The following CRTC3 variants were observed in gnomAD, a reference collection of about 807,000 sequenced individuals.
CRTC3 encodes the protein CREB-regulated transcription coactivator 3.
In CRTC3, 26 loss-of-function variants were observed where a neutral mutation model predicts 74.5. The observed-to-expected ratio is 0.35, with a 90% CI of 0.26 to 0.48. The LOEUF is 0.48. Ranked by LOEUF, CRTC3 falls within the 20% of genes least tolerant of loss-of-function variation. The pLI, the probability that CRTC3 is intolerant of heterozygous loss-of-function variation, is 0.99. For synonymous variants in CRTC3, 377 were observed against 325.8 expected (o/e 1.16, Z -1.69); for missense variants, 760 against 787.3 (o/e 0.97, Z 0.41).
chr15:90,638,496 A>G lies in CRTC3; in HGVS notation c.1317A>G (p.Gln439=), dbSNP rs1313720577. The change falls in exon 12 of 15, where the codon CAA becomes CAG. Residue 439 remains glutamine, a synonymous_variant. Transcript: ENST00000268184. ...SQLSFLPTEA[Q]AQVSPPPPYP... The stretch of plus-strand genomic sequence containing the variant: ...TTTCCTTTCTGCCCACAGAAGCTCA[A>G]GCCCAGGTGTCGCCGCCACCCCCTT... 1.9e-6 allele frequency: 3 copies of G among 1,614,036 alleles called. No individual in the cohort carries two copies. The highest frequency in any genetic ancestry group is 1.7e-5 in the Admixed American group (1 of 60,020).
intron 1 of CRTC3, among the ~76,000 whole-genome samples, chr15:90,532,106 T>G (rs1966637276): frequency 6.6e-6 from 1 of 152,204 alleles, no homozygotes; most frequent in Non-Finnish European, 1.5e-5. Context: ...ATTTTGCCCT[T>G]CACCTGGTAC....
chr15:90,543,773 T>C lies in CRTC3; in HGVS notation c.231+3636T>C, dbSNP rs75268135. On this transcript the variant is annotated intron_variant, in intron 2 of 14. Transcript: ENST00000268184. The stretch of plus-strand genomic sequence containing the variant: ...ATATAATTTATACCTTTTTTAGGTA[T>C]ACAGCTCTTTGCCATATAATCACCA... 3.7e-4 allele frequency among the ~76,000 whole-genome samples: 56 copies of C among 152,320 alleles called. No individual in the cohort carries two copies. The East Asian group carries it at 8.7e-3, about 24-fold the overall frequency.
rs538338588 is a variant in CRTC3, at chr15:90,634,012, C to T, written c.1267-4434C>T. Among the ~76,000 whole-genome samples, 7 of 149,462 alleles carry T rather than the reference C, an allele frequency of 4.7e-5. No homozygotes were observed. In the South Asian group the frequency reaches 6.3e-4, roughly 13 times the overall value. Reference sequence around the variant, plus strand: ...CAGGTTTTTAGTGGTCTTTTTTTTTCGAATTTATCTTTATTTTCTATAATA... The same window carrying T: ...CAGGTTTTTAGTGGTCTTTTTTTTTTGAATTTATCTTTATTTTCTATAATA... On this transcript the variant is annotated intron_variant, in intron 11 of 14. Transcript: ENST00000268184.
intron 2 of CRTC3, among the ~76,000 whole-genome samples, chr15:90,569,506 A>G (rs1596089773): frequency 4.1e-5 from 1 of 24,166 alleles, no homozygotes; most frequent in African/African-American, 7.8e-5. Flanking sequence ...TTTAGTAGAG[A>G]TGGGGTTTCA....
At chr15:90,581,860 G>C (rs1376658296) in intron 2 of CRTC3, among the ~76,000 whole-genome samples, 1 of 152,204 alleles carries the variant, frequency 6.6e-6, no homozygotes, top group Non-Finnish European at 1.5e-5. Context: ...TGAAAGGAGG[G>C]AGTCGGCAGG....
At chr15:90,627,946 G>A (rs1202009727) in intron 10 of CRTC3, among the ~76,000 whole-genome samples, 17 of 147,902 alleles carry the variant, frequency 1.1e-4, no homozygotes, top group South Asian at 4.4e-4. Context: ...GGCTGGGTGC[G>A]GTGGCTCACT....
chr15:90,570,594 G>A (rs1000281343), intron 2 of CRTC3, among the ~76,000 whole-genome samples: 1 of 151,966 alleles, frequency 6.6e-6, no homozygotes, highest in South Asian at 2.1e-4. Flanking sequence ...TAACCCAGCC[G>A]GCTGTAAACA....
chr15:90,593,867 T>C (rs1477250275), intron 3 of CRTC3, 112 bp downstream of exon 3: 4 of 1,110,634 alleles, frequency 3.6e-6, no homozygotes, highest in Non-Finnish European at 5.0e-6. Context: ...ATTTATCTGA[T>C]GAAAGGAGGC....
intron 2 of CRTC3, among the ~76,000 whole-genome samples, chr15:90,545,873 T>C (rs73488123): frequency 0.011 from 1,706 of 152,282 alleles, 33 homozygotes; most frequent in African/African-American, 0.033. Context: ...CCACTGCGCC[T>C]GGCCTTGTCT....
intron 2 of CRTC3, among the ~76,000 whole-genome samples, chr15:90,582,348 A>G (rs1021149590): frequency 6.6e-6 from 1 of 152,212 alleles, no homozygotes; most frequent in African/African-American, 2.4e-5. Context: ...GTGGAAAGAC[A>G]GTAAAGTGCC....
At chr15:90,533,498 G>A (rs1966668435) in intron 1 of CRTC3, among the ~76,000 whole-genome samples, 1 of 151,812 alleles carries the variant, frequency 6.6e-6, no homozygotes, top group Non-Finnish European at 1.5e-5. Context: ...ATTTATTAAT[G>A]TATTCATTTG....
At position 90,643,560 on chromosome 15, in the gene CRTC3, T is replaced by G. The variant is rs760700658; in HGVS notation, c.*1420T>G. On this transcript the variant is annotated 3_prime_UTR_variant, in exon 15 of 15. Coordinates refer to ENST00000268184, the MANE Select transcript of CRTC3 (RefSeq NM_022769.5). ...ATTGCTTCAAGTAGAGATTCATTCTTTGAGGTTGAAAAAATAGTTTATAGT... is the reference window on the plus strand; with the variant it reads ...ATTGCTTCAAGTAGAGATTCATTCTGTGAGGTTGAAAAAATAGTTTATAGT... The G allele has an allele frequency of 4.4e-6, 1 of 229,612 alleles. No homozygotes were observed. The highest frequency in any genetic ancestry group is 8.6e-6 in the Non-Finnish European group (1 of 115,744). The allele number at this position is 229,612 out of a possible 1,614,324, so 14.2% of individuals were successfully genotyped here. A position where few individuals can be genotyped will look rare whatever the true frequency, so the allele number is the denominator to read the frequency against.
intron 7 of CRTC3, among the ~76,000 whole-genome samples, chr15:90,617,435 G>A (rs1968522337): frequency 6.6e-6 from 1 of 152,202 alleles, no homozygotes; most frequent in South Asian, 2.1e-4. Context: ...ATTTTTGTGT[G>A]TTAAATAAGT....
intron 2 of CRTC3, among the ~76,000 whole-genome samples, chr15:90,546,912 A>G (rs1306415946): frequency 6.6e-6 from 1 of 152,228 alleles, no homozygotes; most frequent in Non-Finnish European, 1.5e-5. Flanking sequence ...CGTGAGCCAC[A>G]ACGCCCGGCC....
chr15:90,574,190 A>T (rs1468865277), intron 2 of CRTC3, among the ~76,000 whole-genome samples: 2 of 152,100 alleles, frequency 1.3e-5, no homozygotes, highest in Non-Finnish European at 2.9e-5. Context: ...AAATATATAA[A>T]CTTATTGGCC....
At chr15:90,603,133 T>C (rs528342985) in intron 4 of CRTC3, among the ~76,000 whole-genome samples, 2 of 152,206 alleles carry the variant, frequency 1.3e-5, no homozygotes, top group Admixed American at 6.5e-5. Context: ...GGCATTCTTA[T>C]GTTTGAGACT....
intron 1 of CRTC3, among the ~76,000 whole-genome samples, chr15:90,533,070 G>A (rs1158093996): frequency 2.0e-5 from 2 of 97,800 alleles, no homozygotes; most frequent in African/African-American, 4.0e-5. Context: ...GGGCGACAGA[G>A]CAAGACTTCA....
At chr15:90,637,272 G>C (rs942601403) in intron 11 of CRTC3, among the ~76,000 whole-genome samples, 1 of 152,188 alleles carries the variant, frequency 6.6e-6, no homozygotes, top group Non-Finnish European at 1.5e-5. Flanking sequence ...GATGAAGCTG[G>C]AAACCATCAT....
At chr15:90,587,628 C>T (rs945855133) in intron 2 of CRTC3, among the ~76,000 whole-genome samples, 5 of 152,004 alleles carry the variant, frequency 3.3e-5, no homozygotes, top group African/African-American at 7.2e-5. Flanking sequence ...TATTTATTTA[C>T]TAGAGACAAG....
Sources: allele counts gnomAD v4.1 joint callset (sites outside exome capture counted in the v4.1 genomes callset), GRCh38; gene constraint gnomAD v4.1.1; transcripts MANE v1.5; gene names NCBI Gene and HGNC (gene_info 2026-07-23, HGNC 2026-07-21).